The following CAMTA1 variants were observed in gnomAD, a reference collection of about 807,000 sequenced individuals.
CAMTA1 encodes the protein calmodulin binding transcription activator 1.
In CAMTA1, 27 loss-of-function variants were observed where a neutral mutation model predicts 170.9. The ratio of observed to expected loss-of-function variants is 0.16; its 90% CI spans 0.12 to 0.22. The LOEUF (loss-of-function observed/expected upper bound fraction) is 0.22. Among genes scored for constraint, CAMTA1 ranks in the 10% least tolerant of loss-of-function variants. The probability of loss-of-function intolerance (pLI) is 1.00; values close to 1 mark genes in which losing one functional copy is unlikely to be tolerated. For synonymous variants in CAMTA1, 833 were observed against 891.5 expected, an observed-to-expected ratio of 0.93 and a Z score of 1.17; for missense variants, 1,619 against 2,217.2, an observed-to-expected ratio of 0.73 and a Z score of 5.42.
chr1:7,326,440 T>C (rs534465760), intron 5 of CAMTA1, among the ~76,000 whole-genome samples: 19 of 152,236 alleles, frequency 1.2e-4, no homozygotes, highest in Non-Finnish European at 1.8e-4. Context: ...CCTGTGAATG[T>C]GACCTCATTT....
At chr1:7,631,950 T>C (rs12144301) in intron 6 of CAMTA1, among the ~76,000 whole-genome samples, 38,940 of 151,972 alleles carry the variant, frequency 0.26, 7,738 homozygotes, top group African/African-American at 0.56. Context: ...AGAAGGTGGG[T>C]GAGAGGATTT....
Position 6,916,495 on chromosome 1 carries a change from G to T in CAMTA1, c.234+91285G>T, listed in dbSNP as rs540652240. Among the ~76,000 whole-genome samples the T allele has an allele frequency of 1.9e-4, 29 of 152,306 alleles. No individual in the cohort carries two copies. The South Asian group carries it at 5.4e-3, about 28-fold the overall frequency. ...TGACTTACAGGCCCTCATGTTTGCT[G>T]CACACTCCAAATCAATTCTCTCTCC... is the stretch of plus-strand genomic sequence containing the variant. On this transcript the variant is annotated intron_variant, in intron 3 of 22. Coordinates refer to ENST00000303635, the MANE Select transcript of CAMTA1 (RefSeq NM_015215.4).
chr1:7,583,177 C>A (rs1219060439), intron 6 of CAMTA1, among the ~76,000 whole-genome samples: 1 of 152,092 alleles, frequency 6.6e-6, no homozygotes, highest in Non-Finnish European at 1.5e-5. Flanking sequence ...CTTCCCCAAC[C>A]TGCCCATCAT....
chr1:6,864,394 G>A (rs1242495501), intron 3 of CAMTA1, among the ~76,000 whole-genome samples: 10 of 152,154 alleles, frequency 6.6e-5, no homozygotes, highest in Non-Finnish European at 1.5e-5. Flanking sequence ...TCTCCACCCA[G>A]ATGCCAATGT....
chr1:7,240,450 G>A (rs548312987), intron 4 of CAMTA1, among the ~76,000 whole-genome samples: 1 of 151,396 alleles, frequency 6.6e-6, no homozygotes, highest in African/African-American at 2.4e-5. Context: ...ATGTATTTCA[G>A]TCGAATGTTG....
intron 4 of CAMTA1, among the ~76,000 whole-genome samples, chr1:7,214,458 C>G (rs1659379025): frequency 6.6e-6 from 1 of 152,094 alleles, no homozygotes; most frequent in Non-Finnish European, 1.5e-5. Context: ...CCTACACTTC[C>G]CGGGTTCACA....
Position 7,466,169 on chromosome 1 carries a change from C to T in CAMTA1, c.439-1661C>T, listed in dbSNP as rs372710135. On this transcript the variant is annotated intron_variant, in intron 5 of 22. Coordinates refer to ENST00000303635, the MANE Select transcript of CAMTA1 (RefSeq NM_015215.4). ...GCTTAGACAAAAATGTCTAGACATG[C>T]GTCTCCTTCGGCAAGGAGTGAGTTA... Among the ~76,000 whole-genome samples, 31 of 152,292 alleles carry T rather than the reference C, an allele frequency of 2.0e-4. No homozygotes were observed. In the East Asian group the frequency reaches 4.2e-3, roughly 21 times the overall value.
In CAMTA1 at chr1:7,682,607, C is replaced by T. The variant is rs1021221488; in HGVS notation, c.2914+4874C>T. On this transcript the variant is annotated intron_variant, in intron 11 of 22. Coordinates refer to ENST00000303635, the MANE Select transcript of CAMTA1 (RefSeq NM_015215.4). The surrounding 1 kb of genome is among the most constrained non-coding windows in gnomAD (Gnocchi z 5.0). ...GGGCTGATTCTAGTACCAGCCTCCA[C>T]CCACCAGAGCTGGGAGATCACACAC... 6.6e-5 allele frequency among the ~76,000 whole-genome samples: 10 copies of T among 152,202 alleles called. No homozygotes were observed. The highest frequency in any genetic ancestry group is 1.0e-4 in the Non-Finnish European group (7 of 68,036).
intron 4 of CAMTA1, among the ~76,000 whole-genome samples, chr1:7,221,093 C>T (rs967457898): frequency 6.6e-6 from 1 of 152,204 alleles, no homozygotes; most frequent in Non-Finnish European, 1.5e-5. Context: ...AATGGCCCGG[C>T]TTTCTCAGAA....
At chr1:7,417,601 T>C (rs1040628687) in intron 5 of CAMTA1, among the ~76,000 whole-genome samples, 5 of 152,208 alleles carry the variant, frequency 3.3e-5, no homozygotes, top group African/African-American at 1.2e-4. Context: ...TCTCCTGGTG[T>C]GCTGTTTTTT....
At chr1:7,071,212 G>A (rs1266473593) in intron 3 of CAMTA1, among the ~76,000 whole-genome samples, 1 of 152,232 alleles carries the variant, frequency 6.6e-6, no homozygotes, top group Non-Finnish European at 1.5e-5. Context: ...TTCTGACCTT[G>A]ATGGGGCCAT....
chr1:7,406,787 G>A (rs12085495), intron 5 of CAMTA1, among the ~76,000 whole-genome samples: 11,426 of 152,166 alleles, frequency 0.075, 1,368 homozygotes, highest in African/African-American at 0.26. Context: ...CTCCCCAGGT[G>A]GCCCACTGCT....
intron 4 of CAMTA1, among the ~76,000 whole-genome samples, chr1:7,238,433 G>T (rs538917461): frequency 2.0e-4 from 30 of 152,322 alleles, no homozygotes; most frequent in Admixed American, 1.9e-3. Flanking sequence ...GTAGTTCTGA[G>T]CATTAAGCAG....
intron 11 of CAMTA1, among the ~76,000 whole-genome samples, chr1:7,706,724 G>A (rs1246443342): frequency 6.6e-6 from 1 of 152,180 alleles, no homozygotes; most frequent in Admixed American, 6.5e-5. Context: ...GAACTGCTGT[G>A]TATTCCTGAG....
At chr1:7,231,940 C>A (rs1020950257) in intron 4 of CAMTA1, among the ~76,000 whole-genome samples, 1 of 152,224 alleles carries the variant, frequency 6.6e-6, no homozygotes, top group African/African-American at 2.4e-5. Context: ...ACAAATGTGG[C>A]CTCTGCCCTC....
intron 3 of CAMTA1, among the ~76,000 whole-genome samples, chr1:6,941,277 C>T (rs546728339): frequency 6.6e-5 from 10 of 152,236 alleles, no homozygotes; most frequent in South Asian, 4.1e-4. Flanking sequence ...CACTTGAAGT[C>T]GTAGGACACC....
chr1:6,868,103 C>T (rs977427849), intron 3 of CAMTA1, among the ~76,000 whole-genome samples: 3 of 152,082 alleles, frequency 2.0e-5, no homozygotes, highest in Non-Finnish European at 2.9e-5. Flanking sequence ...CAGAAGCGTG[C>T]CTGGCCTGGG....
chr1:7,007,057 G>A lies in CAMTA1; in HGVS notation c.235-84247G>A, dbSNP rs556316820. 6.6e-5 allele frequency among the ~76,000 whole-genome samples: 10 copies of A among 152,008 alleles called. No homozygotes were observed. The highest frequency in any genetic ancestry group is 1.0e-4 in the Non-Finnish European group (7 of 68,004). ...TTGGATACGGTATTAATAATGTTAC[G>A]GAATGGGCTTTCAGTTTGGCCACAG... On this transcript the variant is annotated intron_variant, in intron 3 of 22. Coordinates refer to ENST00000303635, the MANE Select transcript of CAMTA1 (RefSeq NM_015215.4). This position sits in a 1 kb window ranked among gnomAD's most constrained non-coding sequence, Gnocchi z 4.5.
chr1:7,094,513 TA>T, intron 4 of CAMTA1, among the ~76,000 whole-genome samples: 1 of 152,302 alleles, frequency 6.6e-6, no homozygotes, highest in Admixed American at 6.5e-5. Flanking sequence ...GAATCCCTAT[TA>T]AATTAATTGT....
Sources: gnomAD v4.1 joint callset for allele counts (sites outside exome capture counted in the v4.1 genomes callset) on GRCh38, gnomAD v4.1.1 for gene constraint, Gnocchi (gnomAD v3.1) non-coding constraint, MANE v1.5 for transcripts, NCBI Gene and HGNC (gene_info 2026-07-23, HGNC 2026-07-21) for gene names.